The following GABRG2 variants were observed in gnomAD, a reference collection of about 807,000 sequenced individuals.
GABRG2 encodes the protein gamma-aminobutyric acid receptor subunit gamma-2.
In GABRG2, 16 loss-of-function variants were observed where a neutral mutation model predicts 56.4. That is an observed-to-expected ratio of 0.28 (90% CI 0.19 to 0.43). The LOEUF (loss-of-function observed/expected upper bound fraction) is 0.43. GABRG2 is among the 20% of genes least tolerant of loss of function. The pLI, the probability that GABRG2 is intolerant of heterozygous loss-of-function variation, is 1.00. For synonymous variants in GABRG2, 208 were observed against 205.5 expected (o/e 1.01, Z -0.10); for missense variants, 327 against 582.7 (o/e 0.56, Z 4.52).
intron 1 of GABRG2, among the ~76,000 whole-genome samples, chr5:162,071,849 G>C (rs931245863): frequency 6.6e-6 from 1 of 151,604 alleles, no homozygotes; most frequent in African/African-American, 2.4e-5. Context: ...AGGTAGACTG[G>C]GTAGACTATT....
At chr5:162,139,023 C>A (rs1413900086) in intron 6 of GABRG2, among the ~76,000 whole-genome samples, 3 of 150,878 alleles carry the variant, frequency 2.0e-5, no homozygotes, top group Non-Finnish European at 4.4e-5. Flanking sequence ...AAAAAAAAAA[C>A]CTGCCATTGA....
intron 1 of GABRG2, among the ~76,000 whole-genome samples, chr5:162,087,567 A>T (rs181587085): frequency 2.7e-4 from 41 of 152,222 alleles, no homozygotes; most frequent in African/African-American, 9.6e-4. Flanking sequence ...TGTTGCCAGA[A>T]TCTTGTGACC....
At chr5:162,128,268 T>C (rs1332366780) in intron 6 of GABRG2, 2 of 151,928 alleles carry the variant, frequency 1.3e-5, no homozygotes, top group African/African-American at 4.8e-5. Context: ...GGAGGTGTAT[T>C]GATTTCAGCT....
intron 6 of GABRG2, among the ~76,000 whole-genome samples, chr5:162,138,138 T>C (rs529284219): frequency 2.0e-5 from 3 of 152,300 alleles, no homozygotes; most frequent in Admixed American, 2.0e-4. Context: ...TTTTAAATTT[T>C]ATGTTATACT....
intron 7 of GABRG2, among the ~76,000 whole-genome samples, chr5:162,147,039 A>G (rs1453520329): frequency 1.3e-5 from 2 of 152,100 alleles, no homozygotes; most frequent in Non-Finnish European, 2.9e-5. Flanking sequence ...TTTATTCAAG[A>G]GTGTTTTTGC....
intron 8 of GABRG2, chr5:162,150,783 G>A (rs752545008): frequency 5.3e-5 from 8 of 152,174 alleles, no homozygotes; most frequent in Non-Finnish European, 1.2e-4. Flanking sequence ...TAAGACTTTG[G>A]AACATGGAAA....
chr5:162,075,786 G>C (rs576388319), intron 1 of GABRG2, among the ~76,000 whole-genome samples: 4 of 151,962 alleles, frequency 2.6e-5, no homozygotes, highest in Non-Finnish European at 5.9e-5. Flanking sequence ...CAAACAAACC[G>C]TTTCCACAGC....
At chr5:162,083,575 C>A in intron 1 of GABRG2, 1 of 171,066 alleles carries the variant, frequency 5.8e-6, no homozygotes, top group Non-Finnish European at 1.3e-5. Flanking sequence ...GAAATAACCT[C>A]AATATCAAGT....
In GABRG2 at chr5:162,154,298, C is replaced by A. The variant is rs1044066998; in HGVS notation, c.*930C>A. 2 of 152,172 alleles carry A rather than the reference C, an allele frequency of 1.3e-5. No homozygotes were observed. The highest frequency in any genetic ancestry group is 4.8e-5 in the African/African-American group (2 of 41,458). The allele number at this position is 152,172 out of a possible 1,614,324, so 9.4% of individuals were successfully genotyped here. Reference sequence around the variant, plus strand: ...GATCATAACAGAACTTATTCTCCATCTCAAGATCTGCTTCTAGTGATTGTG... The same window carrying A: ...GATCATAACAGAACTTATTCTCCATATCAAGATCTGCTTCTAGTGATTGTG... On this transcript the variant is annotated 3_prime_UTR_variant, in exon 10 of 10. Transcript: ENST00000639213.
At chr5:162,130,207 G>T (rs1763637991) in intron 6 of GABRG2, among the ~76,000 whole-genome samples, 1 of 151,798 alleles carries the variant, frequency 6.6e-6, no homozygotes, top group Non-Finnish European at 1.5e-5. Flanking sequence ...ATTCCATGGG[G>T]GCAGGGGTGT....
At chr5:162,071,657 GA>G (rs1011927040) in intron 1 of GABRG2, among the ~76,000 whole-genome samples, 2 of 151,768 alleles carry the variant, frequency 1.3e-5, no homozygotes, top group African/African-American at 4.8e-5. Context: ...TATGCATGTA[GA>G]AAAAAATATT....
intron 8 of GABRG2, chr5:162,150,724 T>C (rs1227926630): frequency 6.6e-6 from 1 of 152,202 alleles, no homozygotes; most frequent in African/African-American, 2.4e-5. Flanking sequence ...CTGATGCAGC[T>C]GCAGAAACCC....
intron 6 of GABRG2, among the ~76,000 whole-genome samples, chr5:162,141,372 A>G (rs900260662): frequency 1.3e-5 from 2 of 152,174 alleles, no homozygotes; most frequent in Admixed American, 6.5e-5. Flanking sequence ...TCCATAATAT[A>G]TCTTCTTGAT....
chr5:162,104,141 GA>G, intron 6 of GABRG2, 115 bp downstream of exon 6: 1 of 965,968 alleles, frequency 1.0e-6, no homozygotes, highest in East Asian at 2.5e-5. Flanking sequence ...AAAATTAAAT[GA>G]AGTGTTTTAA....
At chr5:162,138,817 ATAG>A (rs552740136) in intron 6 of GABRG2, among the ~76,000 whole-genome samples, 128 of 152,306 alleles carry the variant, frequency 8.4e-4, no homozygotes, top group African/African-American at 2.9e-3. Flanking sequence ...GTGTCTACAC[ATAG>A]TAGGCTTTCA....
At chr5:162,077,672 A>G (rs1759244360) in intron 1 of GABRG2, among the ~76,000 whole-genome samples, 1 of 152,208 alleles carries the variant, frequency 6.6e-6, no homozygotes. Flanking sequence ...GTTTAAAATA[A>G]GAAACACGTC....
At chr5:162,136,425 C>A (rs1393113428) in intron 6 of GABRG2, among the ~76,000 whole-genome samples, 1 of 151,788 alleles carries the variant, frequency 6.6e-6, no homozygotes. Flanking sequence ...AATATGGCTA[C>A]CATTTTAGAT....
At chr5:162,111,939 A>G (rs1261380983) in intron 6 of GABRG2, among the ~76,000 whole-genome samples, 1 of 152,216 alleles carries the variant, frequency 6.6e-6, no homozygotes, top group Non-Finnish European at 1.5e-5. Flanking sequence ...CTTTAGATAC[A>G]GCAAAAGTAT....
At chr5:162,082,601 A>G (rs1759753823) in intron 1 of GABRG2, among the ~76,000 whole-genome samples, 1 of 151,724 alleles carries the variant, frequency 6.6e-6, no homozygotes, top group South Asian at 2.1e-4. Context: ...ACTTTTTTAA[A>G]AAAGTAATAA....
Sources: allele counts gnomAD v4.1 joint callset (sites outside exome capture counted in the v4.1 genomes callset), GRCh38; gene constraint gnomAD v4.1.1; transcripts MANE v1.5; gene names NCBI Gene and HGNC (gene_info 2026-07-23, HGNC 2026-07-21).